Variants in LRP1B observed in about 807,000 individuals in gnomAD.
The protein encoded by LRP1B is LDL receptor related protein 1B.
Under a neutral mutation model 556.6 loss-of-function variants are expected in LRP1B, and 217 were observed. The ratio of observed to expected loss-of-function variants is 0.39; its 90% CI spans 0.35 to 0.44. The LOEUF (loss-of-function observed/expected upper bound fraction) is 0.44. Among genes scored for constraint, LRP1B ranks in the 20% least tolerant of loss-of-function variants. The pLI is 1.00. For synonymous variants in LRP1B, 2,047 were observed against 1,865.8 expected (o/e 1.10, Z -2.50); for missense variants, 5,053 against 5,620.8 (o/e 0.90, Z 3.23).
intron 59 of LRP1B, among the ~76,000 whole-genome samples, chr2:140,480,926 G>A (rs1362140320): frequency 1.3e-5 from 2 of 151,998 alleles, no homozygotes; most frequent in African/African-American, 2.4e-5. Flanking sequence ...GAGTGCAGTG[G>A]CACCATCTGG....
chr2:141,685,301 A>C (rs1330760305), intron 2 of LRP1B, among the ~76,000 whole-genome samples: 2 of 152,090 alleles, frequency 1.3e-5, no homozygotes, highest in Non-Finnish European at 2.9e-5. Context: ...TATATGATTT[A>C]GATGATTATA....
chr2:142,069,471 C>T (rs1705232052), intron 1 of LRP1B, among the ~76,000 whole-genome samples: 1 of 109,222 alleles, frequency 9.2e-6, no homozygotes, highest in East Asian at 2.8e-4. Context: ...AGAGACCTGA[C>T]CAACAACAAC....
intron 7 of LRP1B, among the ~76,000 whole-genome samples, chr2:141,087,842 T>A (rs1424810651): frequency 6.6e-6 from 1 of 151,606 alleles, no homozygotes; most frequent in African/African-American, 2.4e-5. Flanking sequence ...TTTACAGAGC[T>A]ACTACTGTGG....
At chr2:140,871,513 A>G (rs1473228490) in intron 25 of LRP1B, among the ~76,000 whole-genome samples, 2 of 152,304 alleles carry the variant, frequency 1.3e-5, no homozygotes, top group South Asian at 2.1e-4. Context: ...AGCAAACGTG[A>G]ATCAAAGCCA....
chr2:141,882,431 C>G (rs901243300), intron 1 of LRP1B, among the ~76,000 whole-genome samples: 20 of 152,126 alleles, frequency 1.3e-4, no homozygotes, highest in Admixed American at 1.3e-3. Flanking sequence ...ATCCATGAAG[C>G]CTGCTCTGCT....
At chr2:140,638,536 A>T (rs1574175360) in intron 41 of LRP1B, among the ~76,000 whole-genome samples, 1 of 152,122 alleles carries the variant, frequency 6.6e-6, no homozygotes, top group East Asian at 1.9e-4. Flanking sequence ...CTAGCAACTA[A>T]CTCTATACTT....
At chr2:141,213,069 T>G (rs6715585) in intron 6 of LRP1B, among the ~76,000 whole-genome samples, 58,299 of 151,676 alleles carry the variant, frequency 0.38, 11,671 homozygotes, top group East Asian at 0.71. Context: ...CTGGCTCTGG[T>G]GTTCCTCCCA....
chr2:142,077,007 C>T (rs569968051), intron 1 of LRP1B, among the ~76,000 whole-genome samples: 2 of 152,050 alleles, frequency 1.3e-5, no homozygotes, highest in African/African-American at 4.8e-5. Context: ...AACCGTCTAC[C>T]CTACACTAAC....
chr2:140,371,927 G>A (rs1683018788), intron 69 of LRP1B, among the ~76,000 whole-genome samples: 1 of 151,980 alleles, frequency 6.6e-6, no homozygotes, highest in African/African-American at 2.4e-5. Flanking sequence ...AGAATAACAA[G>A]CAGCTAAATG....
intron 41 of LRP1B, among the ~76,000 whole-genome samples, chr2:140,681,177 A>G (rs1280257647): frequency 6.6e-6 from 1 of 152,240 alleles, no homozygotes; most frequent in Non-Finnish European, 1.5e-5. Context: ...TTATATATAA[A>G]TTGCATTATT....
At chr2:142,101,035 T>A (rs77573930) in intron 1 of LRP1B, among the ~76,000 whole-genome samples, 1 of 152,104 alleles carries the variant, frequency 6.6e-6, no homozygotes, top group African/African-American at 2.4e-5. Flanking sequence ...TAAAATTGTT[T>A]TTCTCCTGAT....
intron 3 of LRP1B, among the ~76,000 whole-genome samples, chr2:141,325,788 T>C (rs1025055888): frequency 6.6e-6 from 1 of 152,100 alleles, no homozygotes; most frequent in South Asian, 2.1e-4. Context: ...GTGAAGAGAT[T>C]AGAGACCCAA....
intron 2 of LRP1B, among the ~76,000 whole-genome samples, chr2:141,687,727 C>T (rs1474774601): frequency 2.0e-5 from 3 of 151,818 alleles, no homozygotes; most frequent in East Asian, 3.9e-4. Flanking sequence ...TCTTTTTCCA[C>T]GTGAAGGCTT....
At chr2:141,329,668 A>C (rs1028308781) in intron 3 of LRP1B, among the ~76,000 whole-genome samples, 6 of 142,322 alleles carry the variant, frequency 4.2e-5, no homozygotes, top group East Asian at 4.0e-4. Flanking sequence ...AAAAAAAACT[A>C]TCTCTCTCTC....
In LRP1B at chr2:142,114,960, C is replaced by T. The variant is rs546589739; in HGVS notation, c.82+15688G>A. Among the ~76,000 whole-genome samples the T allele has an allele frequency of 2.0e-5, 3 of 152,142 alleles. No homozygotes were observed. In the East Asian group the frequency reaches 5.8e-4, roughly 29 times the overall value. ...GATAAAAATCCCAATTACCCAGTTT[C>T]AATCATTACACATTGTATATTTGTA... On this transcript the variant is annotated intron_variant, in intron 1 of 90. Coordinates refer to ENST00000389484, the MANE Select transcript of LRP1B (RefSeq NM_018557.3).
chr2:140,943,670 G>A (rs1695463316), intron 20 of LRP1B, among the ~76,000 whole-genome samples: 1 of 151,990 alleles, frequency 6.6e-6, no homozygotes, highest in Non-Finnish European at 1.5e-5. Context: ...TAAATGACTA[G>A]TGTGTAAACA....
At chr2:141,147,157 C>T (rs1222098609) in intron 7 of LRP1B, among the ~76,000 whole-genome samples, 1 of 152,166 alleles carries the variant, frequency 6.6e-6, no homozygotes, top group Non-Finnish European at 1.5e-5. Flanking sequence ...TTAGGTTGTT[C>T]CATGTCTCAC....
At chr2:141,134,406 T>C (rs965117180) in intron 7 of LRP1B, among the ~76,000 whole-genome samples, 1 of 151,908 alleles carries the variant, frequency 6.6e-6, no homozygotes, top group Admixed American at 6.6e-5. Flanking sequence ...AAACACCCTT[T>C]TGAGCCTACG....
intron 2 of LRP1B, among the ~76,000 whole-genome samples, chr2:141,542,889 T>G (rs1685316525): frequency 6.6e-6 from 1 of 152,106 alleles, no homozygotes. Flanking sequence ...ATAGAAAAGG[T>G]TAAAAGTTAC....
Sources: gnomAD v4.1 joint callset for allele counts (sites outside exome capture counted in the v4.1 genomes callset) on GRCh38, gnomAD v4.1.1 for gene constraint, MANE v1.5 for transcripts, NCBI Gene and HGNC (gene_info 2026-07-23, HGNC 2026-07-21) for gene names.